The following ZNF140 variants were observed in gnomAD, a reference collection of about 807,000 sequenced individuals.
ZNF140 encodes the protein zinc finger protein 140.
Under a neutral mutation model 12.9 loss-of-function variants are expected in ZNF140, and 13 were observed. That is an observed-to-expected ratio of 1.01 (90% CI 0.66 to 1.60). The LOEUF (loss-of-function observed/expected upper bound fraction) is 1.60. Ranked by LOEUF, ZNF140 falls within the 40% of genes most tolerant of loss-of-function variation. The pLI, the probability that ZNF140 is intolerant of heterozygous loss-of-function variation, is 0.00. For missense variants in ZNF140, 531 were observed against 548.8 expected (o/e 0.97, Z 0.32); for synonymous variants, 214 against 186.7 (o/e 1.15, Z -1.19).
In ZNF140 at chr12:133,106,625, C is replaced by G. The variant is rs1955609604; in HGVS notation, c.1348C>G (p.His450Asp). 6.3e-7 allele frequency: 1 copy of G among 1,597,906 alleles called. No individual in the cohort carries two copies. Among genetic ancestry groups the G allele is most frequent in the African/African-American group, 1.3e-5 (1 of 74,220 alleles). ...TGAATATGAAAATTCATTTAATTAC[C>G]ACTCATTCCTTACTGAACACCAGTG... The part of the protein sequence containing the change: ...PYEYENSFNY[H>D]SFLTEHQ The change falls in exon 5 of 5, where the codon CAC (histidine) becomes GAC (aspartate). Residue 450 changes from histidine (H) to aspartate (D), a missense_variant. Transcript: ENST00000355557.
chr12:133,084,553 G>A (rs1486120705), intron 4 of ZNF140, among the ~76,000 whole-genome samples: 1 of 152,224 alleles, frequency 6.6e-6, no homozygotes, highest in Non-Finnish European at 1.5e-5. Context: ...TTAGGCTTGG[G>A]TAATTTGGAT....
At chr12:133,094,916 AC>A (rs1176317488) in intron 4 of ZNF140, among the ~76,000 whole-genome samples, 2 of 151,200 alleles carry the variant, frequency 1.3e-5, no homozygotes, top group Non-Finnish European at 2.9e-5. Context: ...TTTTGCGTTG[AC>A]CGAGCCATTA....
chr12:133,103,474 CTA>C (rs1309520617), intron 4 of ZNF140, among the ~76,000 whole-genome samples: 75 of 149,140 alleles, frequency 5.0e-4, no homozygotes, highest in African/African-American at 1.8e-3. Flanking sequence ...CACTTTGTCA[CTA>C]TGTTGTTTAG....
At chr12:133,092,222 ACTC>A (rs1302032992) in intron 4 of ZNF140, among the ~76,000 whole-genome samples, 33 of 150,828 alleles carry the variant, frequency 2.2e-4, no homozygotes, top group African/African-American at 5.4e-4. Flanking sequence ...TTTAGTTAGA[ACTC>A]CTTTTAATAC....
intron 4 of ZNF140, among the ~76,000 whole-genome samples, chr12:133,095,721 C>CA (rs1323962292): frequency 6.6e-6 from 1 of 151,448 alleles, no homozygotes; most frequent in African/African-American, 2.4e-5. Context: ...AGAAGGTCAG[C>CA]AAAAAACATG....
chr12:133,083,246 A>G lies in ZNF140; in HGVS notation c.136+17A>G, dbSNP rs1420511262. 21 of 1,601,734 alleles carry G rather than the reference A, an allele frequency of 1.3e-5. No homozygotes were observed. In the East Asian group the frequency reaches 2.9e-4, roughly 22 times the overall value. On this transcript the variant is annotated intron_variant, in intron 3 of 4. Transcript: ENST00000355557. ...TCTCACTGGGTAAGTATTCTTCTTC[A>G]TCTCCCTCAAGGCAAAATTTGACCG...
At chr12:133,097,568 G>A (rs984541034) in intron 4 of ZNF140, among the ~76,000 whole-genome samples, 6 of 150,642 alleles carry the variant, frequency 4.0e-5, no homozygotes, top group African/African-American at 7.3e-5. Context: ...GCGTGAACCC[G>A]GGAGGCGGAG....
chr12:133,085,350 G>A (rs1167001606), intron 4 of ZNF140, among the ~76,000 whole-genome samples: 1 of 152,110 alleles, frequency 6.6e-6, no homozygotes, highest in Non-Finnish European at 1.5e-5. Flanking sequence ...CACAGTTCTT[G>A]AAGTTTTTAT....
intron 4 of ZNF140, among the ~76,000 whole-genome samples, chr12:133,088,099 C>T (rs112458721): frequency 7.3e-5 from 11 of 150,872 alleles, no homozygotes; most frequent in Middle Eastern, 3.4e-3. Flanking sequence ...CATTGCACTC[C>T]GGCCTGGGCG....
At chr12:133,101,466 A>T (rs1283478814) in intron 4 of ZNF140, among the ~76,000 whole-genome samples, 1 of 144,440 alleles carries the variant, frequency 6.9e-6, no homozygotes, top group Non-Finnish European at 1.6e-5. Flanking sequence ...TTCTTTTGAG[A>T]TGGAGTCTCG....
chr12:133,106,539 C>G lies in ZNF140; in HGVS notation c.1262C>G (p.Ser421Cys). The G allele has an allele frequency of 6.2e-7, 1 of 1,613,972 alleles. No individual in the cohort carries two copies. Among genetic ancestry groups the G allele is most frequent in the Non-Finnish European group, 8.5e-7 (1 of 1,180,016 alleles). ...TATGTATGTAAGGTATGCAACAAAT[C>G]CTTCAGCTGGAGCTCAAACCTTGCT... is the stretch of plus-strand genomic sequence containing the variant. ...KPYVCKVCNK[S>C]FSWSSNLAKH... Residue 421 changes from serine (S) to cysteine (C), a missense_variant, in exon 5 of 5, where the codon TCC (serine) becomes TGC (cysteine). Coordinates refer to ENST00000355557, the MANE Select transcript of ZNF140 (RefSeq NM_003440.4).
chr12:133,081,591 T>A (rs1954505216), intron 2 of ZNF140: 1 of 454,488 alleles, frequency 2.2e-6, no homozygotes, highest in Non-Finnish European at 4.4e-6. Flanking sequence ...CCCAGGACCC[T>A]GTCCCTTGTT....
chr12:133,094,699 T>A (rs77043492), intron 4 of ZNF140, among the ~76,000 whole-genome samples: 19 of 151,188 alleles, frequency 1.3e-4, no homozygotes, highest in Non-Finnish European at 2.7e-4. Context: ...TCCTTCACCG[T>A]AGTGAACTGC....
At chr12:133,091,028 G>C (rs1456624694) in intron 4 of ZNF140, among the ~76,000 whole-genome samples, 4 of 148,290 alleles carry the variant, frequency 2.7e-5, no homozygotes, top group Non-Finnish European at 6.0e-5. Context: ...AGTTCCCAGG[G>C]GCAGACAGGA....
chr12:133,099,411 A>G (rs1593791979), intron 4 of ZNF140, among the ~76,000 whole-genome samples: 1 of 151,622 alleles, frequency 6.6e-6, no homozygotes. Flanking sequence ...TCCTGACCTC[A>G]GGTGATCTGC....
Position 133,106,665 on chromosome 12 carries a change from A to G in ZNF140, c.*14A>G, listed in dbSNP as rs1421384981. Reference sequence around the variant, plus strand: ...GAACACCAGTGAATTTACACTGCAAAGAAAAACTATGAATGTATGGAATTT... The same window carrying G: ...GAACACCAGTGAATTTACACTGCAAGGAAAAACTATGAATGTATGGAATTT... On this transcript the variant is annotated 3_prime_UTR_variant, in exon 5 of 5. Transcript: ENST00000355557. The G allele has an allele frequency of 1.3e-6, 2 of 1,544,336 alleles. No individual in the cohort carries two copies. Among genetic ancestry groups the G allele is most frequent in the Non-Finnish European group, 8.7e-7 (1 of 1,153,426 alleles).
At chr12:133,105,482 C>T (rs201035536) in intron 4 of ZNF140, 28 bp from the exon 5 acceptor site, 5 of 1,538,220 alleles carry the variant, frequency 3.3e-6, no homozygotes, top group Non-Finnish European at 4.4e-6. Flanking sequence ...GAAAAAGAAA[C>T]ATTCACTTTT....
Position 133,107,349 on chromosome 12 carries a change from T to G in ZNF140, c.*698T>G, listed in dbSNP as rs574278553. On this transcript the variant is annotated 3_prime_UTR_variant, in exon 5 of 5. Coordinates refer to ENST00000355557, the MANE Select transcript of ZNF140 (RefSeq NM_003440.4). ...TGGAATCTGTAGGAAACGGTTCTAT[T>G]TTGAGGGAAGGGGGATTCCTTTTTG... 22 of 152,342 alleles carry G rather than the reference T, an allele frequency of 1.4e-4. No homozygotes were observed. The South Asian group carries it at 4.6e-3, about 32-fold the overall frequency. 9.4% of individuals were successfully genotyped at this position (152,342 alleles called of 1,614,324 possible).
intron 4 of ZNF140, among the ~76,000 whole-genome samples, chr12:133,095,736 C>T (rs899707404): frequency 6.6e-5 from 10 of 151,364 alleles, no homozygotes; most frequent in East Asian, 1.9e-4. Context: ...AACATGTGAG[C>T]AAAAGAATCT....
Sources: gnomAD v4.1 joint callset for allele counts (sites outside exome capture counted in the v4.1 genomes callset) on GRCh38, gnomAD v4.1.1 for gene constraint, MANE v1.5 for transcripts, NCBI Gene and HGNC (gene_info 2026-07-23, HGNC 2026-07-21) for gene names.